CELF2: variants seen among roughly 807,000 people sequenced by gnomAD.
CELF2 encodes CUGBP Elav-like family member 2, also known as CUG triplet repeat RNA-binding protein 2.
A neutral mutation model predicts 62.6 loss-of-function variants in CELF2; 8 were observed. The observed-to-expected ratio is 0.13, with a 90% CI of 0.07 to 0.23. The LOEUF is 0.23. Among genes scored for constraint, CELF2 ranks in the 10% least tolerant of loss-of-function variants. CELF2 has a pLI of 1.00. For synonymous variants in CELF2, 258 were observed against 250.0 expected (o/e 1.03, Z -0.30); for missense variants, 333 against 671.0 (o/e 0.50, Z 5.56).
chr10:11,130,016 G>A (rs12782498), intron 1 of CELF2, among the ~76,000 whole-genome samples: 24 of 152,248 alleles, frequency 1.6e-4, no homozygotes, highest in African/African-American at 4.3e-4. Flanking sequence ...ATTCAGTGCT[G>A]TAAATTTCCC....
intron 3 of CELF2, among the ~76,000 whole-genome samples, chr10:11,225,170 C>T (rs562151036): frequency 1.5e-4 from 23 of 152,208 alleles, no homozygotes; most frequent in African/African-American, 4.6e-4. Context: ...GCCCACCAGC[C>T]GCAGAGATGA....
chr10:10,566,736 G>A, the CELF2 span, among the ~76,000 whole-genome samples: 4 of 152,074 alleles, frequency 2.6e-5, no homozygotes, highest in African/African-American at 9.6e-5. Context: ...CACAACATAT[G>A]TAAATAGATT....
intron 1 of CELF2, among the ~76,000 whole-genome samples, chr10:11,127,567 CT>C (rs1432063347): frequency 1.3e-5 from 2 of 152,242 alleles, no homozygotes; most frequent in African/African-American, 4.8e-5. Context: ...TGTTTCCTGA[CT>C]TTTTAATGAT....
chr10:10,591,509 G>A, the CELF2 span, among the ~76,000 whole-genome samples: 1 of 151,810 alleles, frequency 6.6e-6, no homozygotes, highest in Non-Finnish European at 1.5e-5. Context: ...TTGGTGGTGG[G>A]ATTAAAGGTA....
At chr10:10,620,422 G>T in the CELF2 span, among the ~76,000 whole-genome samples, 1 of 131,648 alleles carries the variant, frequency 7.6e-6, no homozygotes, top group Non-Finnish European at 1.5e-5. Context: ...CTGCACTCCA[G>T]CTTGGGCGAC....
intron 1 of CELF2, among the ~76,000 whole-genome samples, chr10:11,111,787 A>G (rs759909456): frequency 6.6e-5 from 10 of 152,266 alleles, no homozygotes; most frequent in Admixed American, 1.3e-4. Context: ...GCGTGTTTCC[A>G]CAGGCAATTT....
intron 1 of CELF2, among the ~76,000 whole-genome samples, chr10:10,866,879 C>T (rs540639101): frequency 1.2e-4 from 18 of 146,316 alleles, no homozygotes; most frequent in Admixed American, 4.1e-4. Flanking sequence ...GAGATCACAC[C>T]GTTGCACTCC....
chr10:10,620,080 T>A, the CELF2 span, among the ~76,000 whole-genome samples: 1 of 152,058 alleles, frequency 6.6e-6, no homozygotes, highest in Non-Finnish European at 1.5e-5. Flanking sequence ...AGAAAAAAAA[T>A]GTTTCTAATA....
the CELF2 span, among the ~76,000 whole-genome samples, chr10:10,470,766 T>A: frequency 2.0e-5 from 3 of 151,094 alleles, no homozygotes; most frequent in African/African-American, 7.3e-5. Flanking sequence ...ATGCCACTAA[T>A]CACATCTGCA....
the CELF2 span, among the ~76,000 whole-genome samples, chr10:10,587,752 C>T: frequency 1.3e-5 from 2 of 152,120 alleles, no homozygotes; most frequent in African/African-American, 4.8e-5. Flanking sequence ...TCTTTCCTTG[C>T]TCTTTGTTTG....
Position 11,145,932 on chromosome 10 carries a change from T to G in CELF2, c.75-19554T>G, listed in dbSNP as rs1035972738. 2.6e-5 allele frequency among the ~76,000 whole-genome samples: 4 copies of G among 152,216 alleles called. No homozygotes were observed. The highest frequency in any genetic ancestry group is 6.5e-5 in the Admixed American group (1 of 15,288). On this transcript the variant is annotated intron_variant, in intron 1 of 12. Coordinates refer to ENST00000633077, the MANE Select transcript of CELF2 (RefSeq NM_001326342.2). The surrounding 1 kb of genome is among the most constrained non-coding windows in gnomAD (Gnocchi z 4.3). The stretch of plus-strand genomic sequence containing the variant: ...TTTTTCTTTTTCATTTTCTAACTAC[T>G]ACTTAAAATCCAAGAACATTGTGAG...
chr10:11,248,682 G>T (rs986994092), intron 3 of CELF2, among the ~76,000 whole-genome samples: 2 of 152,096 alleles, frequency 1.3e-5, no homozygotes, highest in African/African-American at 2.4e-5. Context: ...TATTTTCAAC[G>T]CATCTTAGCC....
At chr10:11,245,136 T>C (rs1358917662) in intron 3 of CELF2, among the ~76,000 whole-genome samples, 2 of 152,232 alleles carry the variant, frequency 1.3e-5, no homozygotes, top group African/African-American at 4.8e-5. Context: ...AAACCATTTC[T>C]GTTACAGGGA....
intron 8 of CELF2, among the ~76,000 whole-genome samples, chr10:11,279,923 T>G (rs2087702157): frequency 6.6e-6 from 1 of 152,186 alleles, no homozygotes; most frequent in South Asian, 2.1e-4. Context: ...CTGAAATGTT[T>G]TGCATGTTCA....
chr10:11,238,495 A>G (rs1404719254), intron 3 of CELF2, among the ~76,000 whole-genome samples: 1 of 152,204 alleles, frequency 6.6e-6, no homozygotes, highest in Non-Finnish European at 1.5e-5. Flanking sequence ...TTTGCTTTGT[A>G]TTTATTTGGG....
intron 2 of CELF2, among the ~76,000 whole-genome samples, chr10:10,958,714 G>A (rs1564265184): frequency 6.6e-6 from 1 of 152,070 alleles, no homozygotes; most frequent in Non-Finnish European, 1.5e-5. Context: ...ATTGTGGTGA[G>A]TACCTGTAAG....
the CELF2 span, among the ~76,000 whole-genome samples, chr10:10,730,772 G>A: frequency 6.6e-6 from 1 of 152,164 alleles, no homozygotes. Context: ...GTGAAGGGAA[G>A]CACCCAGGTC....
the CELF2 span, among the ~76,000 whole-genome samples, chr10:10,598,467 G>C: frequency 5.3e-5 from 8 of 152,322 alleles, no homozygotes; most frequent in South Asian, 1.0e-3. Context: ...GGCCACTGCA[G>C]AAGTCTCACA....
the CELF2 span, among the ~76,000 whole-genome samples, chr10:10,474,174 G>C: frequency 2.2e-4 from 34 of 152,150 alleles, no homozygotes; most frequent in Admixed American, 1.4e-3. Context: ...CAGGAGCAGT[G>C]GCTCATGCTT....
Sources: gnomAD v4.1 joint callset for allele counts (sites outside exome capture counted in the v4.1 genomes callset) on GRCh38, gnomAD v4.1.1 for gene constraint, Gnocchi (gnomAD v3.1) non-coding constraint, MANE v1.5 for transcripts, NCBI Gene and HGNC (gene_info 2026-07-23, HGNC 2026-07-21) for gene names.